The following KIAA1549 variants were observed in gnomAD, a reference collection of about 807,000 sequenced individuals.
KIAA1549 encodes the protein KIAA1549, also known as UPF0606 protein KIAA1549.
KIAA1549 carries 70 observed loss-of-function variants against 156.4 expected under a neutral mutation model. That is an observed-to-expected ratio of 0.45 (90% CI 0.37 to 0.55). The LOEUF (loss-of-function observed/expected upper bound fraction) is 0.55. Among genes scored for constraint, KIAA1549 ranks in the 20% least tolerant of loss-of-function variants. The pLI is 0.00. For synonymous variants in KIAA1549, 1,103 were observed against 1,066.4 expected (o/e 1.03, Z -0.67); for missense variants, 2,428 against 2,540.9 (o/e 0.96, Z 0.96).
At chr7:138,894,004 A>G (rs1208150716) in intron 10 of KIAA1549, among the ~76,000 whole-genome samples, 2 of 152,240 alleles carry the variant, frequency 1.3e-5, no homozygotes, top group Non-Finnish European at 2.9e-5. Context: ...CAGGAGGCGG[A>G]GGCTGCAGTG....
In KIAA1549 at chr7:138,914,431, A is replaced by T. The variant is rs551125586; in HGVS notation, c.2879-1971T>A. Among the ~76,000 whole-genome samples, 37 of 152,328 alleles carry T rather than the reference A, an allele frequency of 2.4e-4. 1 individual carries two copies. In the South Asian group the frequency reaches 7.3e-3, roughly 30 times the overall value. Reference sequence around the variant, plus strand: ...AAGGCCCTGGGTGGAAGCGCGGCTCATGCCTCCCAGGGCGCGTGCAGGCAA... The same window carrying T: ...AAGGCCCTGGGTGGAAGCGCGGCTCTTGCCTCCCAGGGCGCGTGCAGGCAA... On this transcript the variant is annotated intron_variant, in intron 2 of 19. Coordinates refer to ENST00000422774, the MANE Select transcript of KIAA1549 (RefSeq NM_001164665.2).
Position 138,884,237 on chromosome 7 carries a change from T to C in KIAA1549, c.4033-2653A>G, listed in dbSNP as rs118027955. Among the ~76,000 whole-genome samples, 1,263 of 152,050 alleles carry C rather than the reference T, an allele frequency of 8.3e-3. 12 individuals are homozygous for C. The highest frequency in any genetic ancestry group is 0.013 in the Non-Finnish European group (861 of 67,978). On this transcript the variant is annotated intron_variant, in intron 10 of 19. Transcript: ENST00000422774. ...CCCCACGGAGGGCACAGAAGCTCTG[T>C]ACCCCCGATTCCCCCCACACCTCAC...
In KIAA1549 at chr7:138,844,380, T is replaced by G; in HGVS notation, c.5389A>C (p.Arg1797=). 1 of 1,612,228 alleles carries G rather than the reference T, an allele frequency of 6.2e-7. No individual in the cohort carries two copies. Among genetic ancestry groups the G allele is most frequent in the South Asian group, 1.1e-5 (1 of 90,876 alleles). ...GGCATCTCCTCCGAGTAGATCCCTC[T>G]GGCAGCAAATGGGGCTTCGGCGGAG... is the stretch of plus-strand genomic sequence containing the variant. ...QASAEAPFAA[R]GIYSEEMPSV... The change falls in exon 18 of 20, where the codon AGA becomes CGA. Residue 1797 remains arginine (R), a synonymous_variant. Transcript: ENST00000422774.
At chr7:138,859,008 AACACACACACACAC>A (rs57352970) in intron 16 of KIAA1549, among the ~76,000 whole-genome samples, 19 of 142,358 alleles carry the variant, frequency 1.3e-4, no homozygotes, top group Admixed American at 2.1e-4. Flanking sequence ...TCCATCTCAA[AACACACACACACAC>A]ACACACACAC....
intron 1 of KIAA1549, among the ~76,000 whole-genome samples, chr7:138,966,024 C>A (rs1174219711): frequency 6.6e-6 from 1 of 152,188 alleles, no homozygotes; most frequent in Non-Finnish European, 1.5e-5. Context: ...CTGGCCACAT[C>A]ATTTGCTGGG....
intron 16 of KIAA1549, among the ~76,000 whole-genome samples, chr7:138,860,661 G>T (rs1810544014): frequency 6.6e-6 from 1 of 152,172 alleles, no homozygotes; most frequent in Admixed American, 6.5e-5. Context: ...TTTGAAAGTG[G>T]TTGTCACTGT....
intron 1 of KIAA1549, among the ~76,000 whole-genome samples, chr7:138,943,338 C>T (rs939000229): frequency 6.6e-6 from 1 of 152,230 alleles, no homozygotes; most frequent in African/African-American, 2.4e-5. Flanking sequence ...GACTAGAGCC[C>T]TGGGCTGTCT....
At chr7:138,962,348 C>T (rs545243960) in intron 1 of KIAA1549, among the ~76,000 whole-genome samples, 6 of 152,290 alleles carry the variant, frequency 3.9e-5, no homozygotes, top group South Asian at 2.1e-4. Context: ...TCTCCAAAGA[C>T]GACCACCATC....
At chr7:138,846,196 G>A (rs919309423) in intron 17 of KIAA1549, among the ~76,000 whole-genome samples, 2 of 152,124 alleles carry the variant, frequency 1.3e-5, no homozygotes, top group African/African-American at 2.4e-5. Context: ...AGAATATGAT[G>A]ACTACTCATA....
chr7:138,952,246 T>A (rs930063710), intron 1 of KIAA1549, among the ~76,000 whole-genome samples: 1 of 152,220 alleles, frequency 6.6e-6, no homozygotes, highest in Admixed American at 6.5e-5. Flanking sequence ...TGGACTGACA[T>A]GTGGCAAAGC....
chr7:138,980,387 C>G (rs1814509761), intron 1 of KIAA1549, among the ~76,000 whole-genome samples: 1 of 152,266 alleles, frequency 6.6e-6, no homozygotes, highest in Non-Finnish European at 1.5e-5. Context: ...TCATTCCATA[C>G]TGATGAACAG....
At position 138,919,373 on chromosome 7, in the gene KIAA1549, T is replaced by A. The variant is rs780786909; in HGVS notation, c.253A>T (p.Thr85Ser). 1.2e-6 allele frequency: 2 copies of A among 1,614,028 alleles called. No homozygotes were observed. Among genetic ancestry groups the A allele is most frequent in the Admixed American group, 3.3e-5 (2 of 60,024 alleles). Reference sequence around the variant, plus strand: ...GCCACTTGTGCAGCGCTGTGCCCAGTGCTTTTCTTCAGCACGAGCTCCATG... The same window carrying A: ...GCCACTTGTGCAGCGCTGTGCCCAGAGCTTTTCTTCAGCACGAGCTCCATG... ...YSMELVLKKS[T>S]GHSAAQVALT... The change falls in exon 2 of 20, where the codon ACT becomes TCT. Residue 85 changes from threonine to serine, a missense_variant. By Grantham distance (58) the Thr-to-Ser change is moderately conservative (BLOSUM62 1). Around this residue, in one of 5 missense-constraint regions of KIAA1549, gnomAD observed 893 missense variants for 847.9 expected, o/e 1.05. Coordinates refer to ENST00000422774, the MANE Select transcript of KIAA1549 (RefSeq NM_001164665.2).
intron 1 of KIAA1549, among the ~76,000 whole-genome samples, chr7:138,935,222 G>A (rs985654552): frequency 1.3e-5 from 2 of 152,162 alleles, no homozygotes; most frequent in Non-Finnish European, 2.9e-5. Flanking sequence ...TAAAACATCA[G>A]TTTAGGCTTC....
At chr7:138,911,909 T>C (rs1010121575) in intron 3 of KIAA1549, among the ~76,000 whole-genome samples, 3 of 152,254 alleles carry the variant, frequency 2.0e-5, no homozygotes, top group Non-Finnish European at 4.4e-5. Context: ...TGGTTCCGGA[T>C]GGCTCTGCTC....
Position 138,939,884 on chromosome 7 carries a change from C to T in KIAA1549, c.188-20446G>A, listed in dbSNP as rs142697388. 3.3e-3 allele frequency among the ~76,000 whole-genome samples: 508 copies of T among 152,256 alleles called. 5 individuals are homozygous for T. The highest frequency in any genetic ancestry group is 0.012 in the African/African-American group (478 of 41,542). Reference sequence around the variant, plus strand: ...TATTCCAGCCGGGCGTGGTGGCTCACGCCTATAATCTCATCACTCTGGCAG... The same window carrying T: ...TATTCCAGCCGGGCGTGGTGGCTCATGCCTATAATCTCATCACTCTGGCAG... On this transcript the variant is annotated intron_variant, in intron 1 of 19. Coordinates refer to ENST00000422774, the MANE Select transcript of KIAA1549 (RefSeq NM_001164665.2).
At chr7:138,865,077 A>G (rs989705562) in intron 15 of KIAA1549, among the ~76,000 whole-genome samples, 1 of 152,064 alleles carries the variant, frequency 6.6e-6, no homozygotes, top group Admixed American at 6.5e-5. Flanking sequence ...AAAATACAAA[A>G]ATTAGCCAGG....
intron 1 of KIAA1549, among the ~76,000 whole-genome samples, chr7:138,927,600 T>C (rs1417425867): frequency 6.6e-6 from 1 of 152,266 alleles, no homozygotes; most frequent in Non-Finnish European, 1.5e-5. Flanking sequence ...ACTGTGCCAC[T>C]GCACTCCAGC....
At chr7:138,844,510 C>T (rs1810017988) in intron 17 of KIAA1549, 36 bp from the exon 18 acceptor site, 2 of 1,491,896 alleles carry the variant, frequency 1.3e-6, no homozygotes, top group African/African-American at 1.4e-5. Context: ...CAGGACTCCA[C>T]TGCACCCTGG....
At chr7:138,967,345 G>A (rs1389639670) in intron 1 of KIAA1549, among the ~76,000 whole-genome samples, 3 of 152,186 alleles carry the variant, frequency 2.0e-5, no homozygotes, top group Non-Finnish European at 1.5e-5. Context: ...ATCGGGGTTA[G>A]GGAAGGCCTC....
Sources: allele counts gnomAD v4.1 joint callset (sites outside exome capture counted in the v4.1 genomes callset), GRCh38; gene constraint gnomAD v4.1.1; regional missense constraint gnomAD v4.1.1; transcripts MANE v1.5; gene names NCBI Gene and HGNC (gene_info 2026-07-23, HGNC 2026-07-21).